LIMCH1: variants seen among roughly 807,000 people sequenced by gnomAD.
LIMCH1 encodes LIM and calponin homology domains-containing protein 1.
A neutral mutation model predicts 176.5 loss-of-function variants in LIMCH1; 113 were observed. That is an observed-to-expected ratio of 0.64 (90% confidence interval 0.55 to 0.75). The LOEUF (loss-of-function observed/expected upper bound fraction) is 0.75. Ranked by LOEUF, LIMCH1 falls within the 30% of genes least tolerant of loss-of-function variation. The probability of loss-of-function intolerance (pLI) is 0.00; values close to 1 mark genes in which losing one functional copy is unlikely to be tolerated. For synonymous variants in LIMCH1, 619 were observed against 645.9 expected (o/e 0.96, Z 0.63); for missense variants, 1,674 against 1,814.9 (o/e 0.92, Z 1.41).
intron 18 of LIMCH1, among the ~76,000 whole-genome samples, chr4:41,660,378 T>C (rs1237162368): frequency 6.6e-6 from 1 of 152,110 alleles, no homozygotes; most frequent in Non-Finnish European, 1.5e-5. Context: ...ATTAGAGTAA[T>C]TACTGGAGGT....
intron 1 of LIMCH1, among the ~76,000 whole-genome samples, chr4:41,413,951 G>T (rs13118219): frequency 1.3e-4 from 20 of 152,196 alleles, no homozygotes; most frequent in African/African-American, 3.6e-4. Flanking sequence ...GACCTTAAAG[G>T]GGGGCAGGGG....
At chr4:41,607,534 T>G (rs972224162) in intron 4 of LIMCH1, among the ~76,000 whole-genome samples, 5 of 152,254 alleles carry the variant, frequency 3.3e-5, no homozygotes, top group Non-Finnish European at 7.3e-5. Context: ...AAATGTTTAT[T>G]GTTTTTATAT....
At chr4:41,487,376 G>A (rs974995222) in intron 1 of LIMCH1, among the ~76,000 whole-genome samples, 1 of 152,190 alleles carries the variant, frequency 6.6e-6, no homozygotes, top group African/African-American at 2.4e-5. Context: ...GTCCTAATGG[G>A]CATGGGAGAG....
intron 1 of LIMCH1, among the ~76,000 whole-genome samples, chr4:41,377,553 G>C (rs971125773): frequency 2.6e-5 from 4 of 152,186 alleles, no homozygotes; most frequent in African/African-American, 9.7e-5. Flanking sequence ...TTCTCCCTGG[G>C]TATTGGAATG....
intron 13 of LIMCH1, 108 bp from the exon 14 acceptor site, chr4:41,638,824 A>G (rs939872299): frequency 5.8e-6 from 5 of 865,952 alleles, no homozygotes; most frequent in Admixed American, 1.9e-5. Context: ...TATCTCAGCA[A>G]AAAAGGTTTG....
At chr4:41,693,007 C>T (rs1462486758) in intron 31 of LIMCH1, 1 of 152,288 alleles carries the variant, frequency 6.6e-6, no homozygotes, top group African/African-American at 2.4e-5. Context: ...CGTCTTGCAT[C>T]CGGGCCTCCT....
At chr4:41,618,546 T>C (rs2092316853) in intron 5 of LIMCH1, among the ~76,000 whole-genome samples, 1 of 152,184 alleles carries the variant, frequency 6.6e-6, no homozygotes, top group Non-Finnish European at 1.5e-5. Flanking sequence ...GACAAGATCA[T>C]GGGGGCATAG....
intron 1 of LIMCH1, among the ~76,000 whole-genome samples, chr4:41,414,471 G>C (rs79339498): frequency 0.019 from 2,880 of 152,276 alleles, 90 homozygotes; most frequent in African/African-American, 0.065. Flanking sequence ...GTAGTGATTA[G>C]AGTCAGATGT....
chr4:41,696,095 A>G (rs1047840065), intron 31 of LIMCH1, among the ~76,000 whole-genome samples: 2 of 152,210 alleles, frequency 1.3e-5, no homozygotes, highest in Non-Finnish European at 2.9e-5. Flanking sequence ...TCTCCAAGTA[A>G]CTAGTCACAT....
intron 1 of LIMCH1, among the ~76,000 whole-genome samples, chr4:41,420,777 G>T (rs970931059): frequency 3.3e-5 from 5 of 152,208 alleles, no homozygotes; most frequent in Admixed American, 6.5e-5. Context: ...GATGGCTTTG[G>T]CCTGGAAATT....
chr4:41,574,786 G>A (rs1257178826), intron 1 of LIMCH1, among the ~76,000 whole-genome samples: 2 of 152,164 alleles, frequency 1.3e-5, no homozygotes, highest in South Asian at 2.1e-4. Context: ...GTAAGGGAGC[G>A]AAATAGGTTG....
intron 1 of LIMCH1, among the ~76,000 whole-genome samples, chr4:41,487,086 C>T (rs2069732188): frequency 6.6e-6 from 1 of 152,046 alleles, no homozygotes; most frequent in Non-Finnish European, 1.5e-5. Context: ...GTCTTGAACT[C>T]TTGACCTCGT....
At chr4:41,369,145 G>A (rs1408057450) in intron 1 of LIMCH1, among the ~76,000 whole-genome samples, 1 of 152,154 alleles carries the variant, frequency 6.6e-6, no homozygotes, top group East Asian at 1.9e-4. Context: ...GTCCTTGACT[G>A]AGATTCCTTT....
chr4:41,419,924 C>T (rs1274026303), intron 1 of LIMCH1, among the ~76,000 whole-genome samples: 1 of 151,840 alleles, frequency 6.6e-6, no homozygotes, highest in Non-Finnish European at 1.5e-5. Context: ...TTTCCTTGCC[C>T]TCAAGAAACT....
At chr4:41,679,390 C>T (rs925510218) in intron 23 of LIMCH1, among the ~76,000 whole-genome samples, 1 of 152,162 alleles carries the variant, frequency 6.6e-6, no homozygotes, top group Non-Finnish European at 1.5e-5. Flanking sequence ...GTGACTTCTG[C>T]TGCATTATTT....
At chr4:41,553,875 C>G (rs1353018519) in intron 1 of LIMCH1, among the ~76,000 whole-genome samples, 1 of 152,148 alleles carries the variant, frequency 6.6e-6, no homozygotes, top group East Asian at 1.9e-4. Flanking sequence ...AGATCCTGCA[C>G]TGTTATCTCA....
chr4:41,646,783 G>T lies in LIMCH1; in HGVS notation c.2710G>T (p.Ala904Ser). 1 of 1,614,156 alleles carries T rather than the reference G, an allele frequency of 6.2e-7. No homozygotes were observed. Among genetic ancestry groups the T allele is most frequent in the Non-Finnish European group, 8.5e-7 (1 of 1,180,018 alleles). The change falls in exon 17 of 32, where the codon GCA becomes TCA. Residue 904 changes from alanine to serine, a missense_variant. Physicochemically the swap from Ala to Ser is moderately conservative, Grantham distance 99. Around this residue, in one of 3 missense-constraint regions of LIMCH1, gnomAD observed 1,015 missense variants for 1,102.5 expected, o/e 0.92. Transcript: ENST00000503057. Reference protein sequence around the residue: ...RASVLDTSMSAGSGSPSKTVT... With the variant: ...RASVLDTSMSSGSGSPSKTVT... ...CAGTGTTCTGGATACCAGCATGTCA[G>T]CAGGCAGTGGGTCTCCAAGCAAAAC...
chr4:41,439,596 A>G (rs917839520), intron 1 of LIMCH1, among the ~76,000 whole-genome samples: 5 of 152,132 alleles, frequency 3.3e-5, no homozygotes, highest in African/African-American at 4.8e-5. Flanking sequence ...TAAAAAAAAA[A>G]GAATTAAAAA....
intron 24 of LIMCH1, 62 bp downstream of exon 24, chr4:41,680,160 C>T: frequency 9.0e-7 from 1 of 1,113,504 alleles, no homozygotes; most frequent in Non-Finnish European, 1.3e-6. Context: ...TCTAGCAACA[C>T]TCTCTGTGTC....
Sources: allele counts gnomAD v4.1 joint callset (sites outside exome capture counted in the v4.1 genomes callset), GRCh38; gene constraint gnomAD v4.1.1; regional missense constraint gnomAD v4.1.1; transcripts MANE v1.5; gene names NCBI Gene and HGNC (gene_info 2026-07-23, HGNC 2026-07-21).